Variants in MGAT5 observed in about 807,000 individuals in gnomAD.
MGAT5 encodes alpha-1,6-mannosylglycoprotein 6-beta-N-acetylglucosaminyltransferase.
A neutral mutation model predicts 94.3 loss-of-function variants in MGAT5; 30 were observed. The observed-to-expected ratio is 0.32, with a 90% CI of 0.24 to 0.43. The LOEUF is 0.43. Ranked by LOEUF, MGAT5 falls within the 20% of genes least tolerant of loss-of-function variation. MGAT5 has a pLI of 1.00. For synonymous variants in MGAT5, 310 were observed against 322.9 expected, an observed-to-expected ratio of 0.96 and a Z score of 0.43; for missense variants, 691 against 905.5, an observed-to-expected ratio of 0.76 and a Z score of 3.04.
intron 10 of MGAT5, among the ~76,000 whole-genome samples, chr2:134,369,967 A>ATATGGCT (rs1680683952): frequency 6.6e-6 from 1 of 152,108 alleles, no homozygotes; most frequent in Admixed American, 6.5e-5. Context: ...TGTGGCATAG[A>ATATGGCT]TTTGGCTTTT....
chr2:134,300,903 C>T (rs1186153906), intron 2 of MGAT5, among the ~76,000 whole-genome samples: 1 of 152,110 alleles, frequency 6.6e-6, no homozygotes, highest in Admixed American at 6.5e-5. Flanking sequence ...CTGCACAGCC[C>T]AGTTCTTAAG....
chr2:134,159,577 G>A (rs1558962797), intron 1 of MGAT5, among the ~76,000 whole-genome samples: 1 of 152,160 alleles, frequency 6.6e-6, no homozygotes, highest in Admixed American at 6.5e-5. Context: ...GGTGGCTAAC[G>A]CCTGCAATCC....
chr2:134,156,545 G>T (rs1687488892), intron 1 of MGAT5, among the ~76,000 whole-genome samples: 1 of 152,160 alleles, frequency 6.6e-6, no homozygotes, highest in Non-Finnish European at 1.5e-5. Flanking sequence ...CCAAAGCAAG[G>T]ATCCCAGTGG....
chr2:134,343,775 T>C (rs1309928765), intron 7 of MGAT5, among the ~76,000 whole-genome samples: 2 of 152,204 alleles, frequency 1.3e-5, no homozygotes, highest in Non-Finnish European at 2.9e-5. Flanking sequence ...CTGTCTTTTT[T>C]TGTAAATACA....
At chr2:134,214,457 A>G (rs1367043622) in intron 1 of MGAT5, among the ~76,000 whole-genome samples, 1 of 152,190 alleles carries the variant, frequency 6.6e-6, no homozygotes, top group Non-Finnish European at 1.5e-5. Flanking sequence ...TTGATGAGCT[A>G]CAAAAATTGC....
chr2:134,207,233 C>G (rs1228014717), intron 1 of MGAT5, among the ~76,000 whole-genome samples: 7 of 152,138 alleles, frequency 4.6e-5, no homozygotes, highest in African/African-American at 1.7e-4. Flanking sequence ...GCATTAGACC[C>G]ACCTTGATAA....
At chr2:134,149,936 C>T (rs1223116638) in intron 1 of MGAT5, among the ~76,000 whole-genome samples, 2 of 152,204 alleles carry the variant, frequency 1.3e-5, no homozygotes, top group Admixed American at 6.5e-5. Flanking sequence ...AGATGTGGCA[C>T]CCAGTGAGAG....
chr2:134,120,316 T>G (rs1685503910), intron 1 of MGAT5: 1 of 390,308 alleles, frequency 2.6e-6, no homozygotes, highest in African/African-American at 2.1e-5. Context: ...ATCCGGGTGA[T>G]CGCGTCGGAG....
intron 8 of MGAT5, among the ~76,000 whole-genome samples, chr2:134,348,500 T>C (rs1364521763): frequency 2.0e-5 from 3 of 152,170 alleles, no homozygotes; most frequent in Non-Finnish European, 2.9e-5. Context: ...TGAAAATTTT[T>C]GAGTATACTT....
chr2:134,288,675 A>C (rs1228480388), intron 2 of MGAT5, among the ~76,000 whole-genome samples: 1 of 152,210 alleles, frequency 6.6e-6, no homozygotes, highest in African/African-American at 2.4e-5. Flanking sequence ...AAAACCAATA[A>C]ATGACAGTGG....
chr2:134,163,645 A>G (rs1687837356), intron 1 of MGAT5, among the ~76,000 whole-genome samples: 1 of 152,194 alleles, frequency 6.6e-6, no homozygotes, highest in South Asian at 2.1e-4. Flanking sequence ...CTCTAAGAGG[A>G]ACATGTGAGT....
intron 2 of MGAT5, among the ~76,000 whole-genome samples, chr2:134,299,039 C>G (rs542489082): frequency 6.6e-6 from 1 of 152,264 alleles, no homozygotes; most frequent in South Asian, 2.1e-4. Context: ...TGTACTTTTC[C>G]TTCTTGCCCA....
At chr2:134,357,528 A>G (rs1679822433) in intron 9 of MGAT5, among the ~76,000 whole-genome samples, 1 of 152,252 alleles carries the variant, frequency 6.6e-6, no homozygotes, top group Non-Finnish European at 1.5e-5. Flanking sequence ...ACTTCCATGT[A>G]CAATTTTATT....
intron 1 of MGAT5, among the ~76,000 whole-genome samples, chr2:134,215,099 A>G (rs1680409096): frequency 6.6e-6 from 1 of 152,238 alleles, no homozygotes; most frequent in African/African-American, 2.4e-5. Context: ...TGTTGCATGT[A>G]ATCATTCTCA....
chr2:134,410,385 C>A (rs1348524110), intron 11 of MGAT5, among the ~76,000 whole-genome samples: 1 of 152,162 alleles, frequency 6.6e-6, no homozygotes, highest in Non-Finnish European at 1.5e-5. Flanking sequence ...TGACAAAAAA[C>A]TGTTATTTTG....
chr2:134,145,533 G>A (rs567441293), intron 1 of MGAT5, among the ~76,000 whole-genome samples: 5 of 152,248 alleles, frequency 3.3e-5, no homozygotes, highest in East Asian at 1.9e-4. Context: ...GCGACAGAGC[G>A]AGACTCCGTC....
At chr2:134,263,511 A>G (rs1470785875) in intron 1 of MGAT5, among the ~76,000 whole-genome samples, 1 of 152,252 alleles carries the variant, frequency 6.6e-6, no homozygotes, top group East Asian at 1.9e-4. Flanking sequence ...GACTTTGGTG[A>G]TAATTGTTTT....
At chr2:134,173,577 C>T (rs553627816) in intron 1 of MGAT5, among the ~76,000 whole-genome samples, 4 of 152,310 alleles carry the variant, frequency 2.6e-5, no homozygotes, top group South Asian at 4.1e-4. Context: ...TGGGACTCCT[C>T]GGCTGTGTCT....
intron 4 of MGAT5, among the ~76,000 whole-genome samples, chr2:134,332,591 A>G (rs957533381): frequency 1.3e-5 from 2 of 152,160 alleles, no homozygotes; most frequent in Non-Finnish European, 2.9e-5. Context: ...GACAAAGGGG[A>G]TCTAATTAAA....
Sources: allele counts gnomAD v4.1 joint callset (sites outside exome capture counted in the v4.1 genomes callset), GRCh38; gene constraint gnomAD v4.1.1; transcripts MANE v1.5; gene names NCBI Gene and HGNC (gene_info 2026-07-23, HGNC 2026-07-21).